ARSG: variants seen among roughly 807,000 people sequenced by gnomAD.
ARSG encodes the protein ASG.
In ARSG, 37 loss-of-function variants were observed where a neutral mutation model predicts 50.5. The ratio of observed to expected loss-of-function variants is 0.73; its 90% CI spans 0.56 to 0.96. ARSG has a LOEUF of 0.96. ARSG is among the 50% of genes least tolerant of loss of function. The pLI, the probability that ARSG is intolerant of heterozygous loss-of-function variation, is 0.00. For missense variants in ARSG, 629 were observed against 675.3 expected (o/e 0.93, Z 0.76); for synonymous variants, 225 against 254.6 (o/e 0.88, Z 1.11).
At chr17:68,358,399 T>C in intron 6 of ARSG, among the ~76,000 whole-genome samples, 1 of 151,420 alleles carries the variant, frequency 6.6e-6, no homozygotes, top group Admixed American at 6.6e-5. Context: ...CAAAAAATTA[T>C]AAAAAGTGGC....
chr17:68,430,108 C>A, the ARSG span: 1 of 1,614,112 alleles, frequency 6.2e-7, no homozygotes, highest in Non-Finnish European at 8.5e-7. Context: ...TTGGTAGCAG[C>A]CATAAACATC....
intron 2 of ARSG, among the ~76,000 whole-genome samples, chr17:68,328,307 A>G (rs527320755): frequency 1.3e-4 from 20 of 152,230 alleles, no homozygotes; most frequent in South Asian, 1.2e-3. Flanking sequence ...TAATTACTTT[A>G]TGTACATCAC....
At chr17:68,450,397 G>A in the ARSG span, among the ~76,000 whole-genome samples, 22 of 152,172 alleles carry the variant, frequency 1.4e-4, no homozygotes, top group Non-Finnish European at 3.2e-4. Context: ...TCTGATTTAA[G>A]GTGCTCTTGC....
At chr17:68,298,736 C>T (rs922280706) in intron 1 of ARSG, among the ~76,000 whole-genome samples, 2 of 152,256 alleles carry the variant, frequency 1.3e-5, no homozygotes, top group East Asian at 1.9e-4. Context: ...GGGCTCTCTT[C>T]CTGGCCTGCA....
At chr17:68,425,010 AG>A (rs1193288602), downstream of ARSG, among the ~76,000 whole-genome samples, 1 of 152,248 alleles carries the variant, frequency 6.6e-6, no homozygotes, top group Non-Finnish European at 1.5e-5. Context: ...TCAGCAGTTA[AG>A]GAAGCCCCAG....
At chr17:68,444,075 A>G in the ARSG span, among the ~76,000 whole-genome samples, 22 of 152,292 alleles carry the variant, frequency 1.4e-4, no homozygotes, top group Non-Finnish European at 2.2e-4. Context: ...TATGGTTCAG[A>G]TTGTCTTTTT....
chr17:68,336,560 A>G (rs1045626494), intron 2 of ARSG, among the ~76,000 whole-genome samples: 1 of 152,104 alleles, frequency 6.6e-6, no homozygotes, highest in Non-Finnish European at 1.5e-5. Context: ...CGCATTATGG[A>G]AAAACATTTG....
intron 1 of ARSG, among the ~76,000 whole-genome samples, chr17:68,281,512 T>C (rs550587343): frequency 1.5e-3 from 225 of 151,998 alleles, no homozygotes; most frequent in African/African-American, 5.2e-3. Context: ...GAGGTGGAGG[T>C]TGCAGTGAGC....
At chr17:68,369,562 C>T (rs918067780) in intron 7 of ARSG, among the ~76,000 whole-genome samples, 1 of 151,752 alleles carries the variant, frequency 6.6e-6, no homozygotes, top group African/African-American at 2.4e-5. Context: ...GCACTGCTTT[C>T]GGGTCAAGTA....
intron 2 of ARSG, among the ~76,000 whole-genome samples, chr17:68,327,277 A>G (rs1555772821): frequency 1.3e-5 from 2 of 152,056 alleles, no homozygotes. Flanking sequence ...AGGGAGGTGT[A>G]CTCGTTTTGA....
Position 68,399,505 on chromosome 17 carries a change from G to A in ARSG, c.1213-1855G>A, listed in dbSNP as rs1195084218. On this transcript the variant is annotated intron_variant, in intron 10 of 11. Transcript: ENST00000621439. The surrounding 1 kb of genome is among the most constrained non-coding windows in gnomAD (Gnocchi z 4.6). ...ATTTGAACCAGGCATCTGGAGAGCT[G>A]TGATTCATGTGTACTTTTGACAGCT... Among the ~76,000 whole-genome samples the A allele has an allele frequency of 2.0e-5, 3 of 152,246 alleles. No homozygotes were observed. Among genetic ancestry groups the A allele is most frequent in the African/African-American group, 7.2e-5 (3 of 41,464 alleles).
downstream of ARSG, chr17:68,421,891 G>A: frequency 6.3e-7 from 1 of 1,597,080 alleles, no homozygotes; most frequent in Non-Finnish European, 8.6e-7. Flanking sequence ...ATTATCAACA[G>A]GTCTGTGCCC....
Position 68,367,267 on chromosome 17 carries a change from T to TCCC in ARSG, c.705-1280_705-1278dup, listed in dbSNP as rs2146679545. On this transcript the variant is annotated intron_variant, in intron 6 of 11. Transcript: ENST00000621439. This position sits in a 1 kb window ranked among gnomAD's most constrained non-coding sequence, Gnocchi z 4.5. ...CAAAGAGAACTGAGTGCAAGCACAG[T>TCCC]CCCAGGCGGCAGACCCTGGGAGCCA... Among the ~76,000 whole-genome samples the TCCC allele has an allele frequency of 6.6e-6, 1 of 152,246 alleles. No individual in the cohort carries two copies. The highest frequency in any genetic ancestry group is 1.9e-4 in the East Asian group (1 of 5,188).
chr17:68,318,646 T>C (rs1197466455), intron 2 of ARSG, among the ~76,000 whole-genome samples: 2 of 152,222 alleles, frequency 1.3e-5, no homozygotes, highest in African/African-American at 2.4e-5. Context: ...ACTGTAATCA[T>C]GTTTACTTAT....
chr17:68,264,743 A>ATT (rs2075125680), intron 1 of ARSG, among the ~76,000 whole-genome samples: 1 of 151,894 alleles, frequency 6.6e-6, no homozygotes, highest in Non-Finnish European at 1.5e-5. Context: ...GGCCCAACTC[A>ATT]TTTTTATAAG....
Position 68,307,496 on chromosome 17 carries a change from GGGCTGGCTTTTTCTA to G in ARSG, c.4_18del (p.Gly2_Leu6del). ...ATCGGAATCCTGCCTTCACCACCAT[GGGCTGGCTTTTTCTA>G]AAGGTTTTGTTGGCGGGAGTGAGTT... On this transcript the variant is annotated inframe_deletion, in exon 2 of 12. Coordinates refer to ENST00000621439, the MANE Select transcript of ARSG (RefSeq NM_001267727.2). 6.2e-7 allele frequency: 1 copy of G among 1,613,176 alleles called. No homozygotes were observed. Among genetic ancestry groups the G allele is most frequent in the Non-Finnish European group, 8.5e-7 (1 of 1,179,338 alleles).
At chr17:68,389,445 C>T (rs2080889331) in intron 9 of ARSG, among the ~76,000 whole-genome samples, 1 of 151,854 alleles carries the variant, frequency 6.6e-6, no homozygotes. Flanking sequence ...CTCATGTCTC[C>T]ACGGCTGAGA....
In ARSG at chr17:68,271,779, C is replaced by G; in HGVS notation, c.-552+12353C>G. 1 of 706,358 alleles carries G rather than the reference C, an allele frequency of 1.4e-6. No homozygotes were observed. The highest frequency in any genetic ancestry group is 2.4e-6 in the Non-Finnish European group (1 of 422,802). 43.8% of individuals were successfully genotyped at this position (706,358 alleles called of 1,614,324 possible). ...ATAAGTTCTGTGGAAATTTATTATACTCAGCAGTATGAATGTACTCAATCT... is the reference window on the plus strand; with the variant it reads ...ATAAGTTCTGTGGAAATTTATTATAGTCAGCAGTATGAATGTACTCAATCT... On this transcript the variant is annotated intron_variant, in intron 1 of 11. Transcript: ENST00000448504. This position sits in a 1 kb window ranked among gnomAD's most constrained non-coding sequence, Gnocchi z 5.3.
intron 6 of ARSG, among the ~76,000 whole-genome samples, chr17:68,366,570 A>G (rs563803743): frequency 1.3e-5 from 2 of 152,262 alleles, no homozygotes; most frequent in African/African-American, 2.4e-5. Context: ...TTGCTGTACG[A>G]AAAAACTAGG....
Sources: gnomAD v4.1 joint callset for allele counts (sites outside exome capture counted in the v4.1 genomes callset) on GRCh38, gnomAD v4.1.1 for gene constraint, Gnocchi (gnomAD v3.1) non-coding constraint, MANE v1.5 for transcripts, NCBI Gene and HGNC (gene_info 2026-07-23, HGNC 2026-07-21) for gene names.